NAV3: variants seen among roughly 807,000 people sequenced by gnomAD.
NAV3 encodes the protein neuron navigator 3.
Under a neutral mutation model 244.7 loss-of-function variants are expected in NAV3, and 87 were observed. The observed-to-expected ratio is 0.36, with a 90% CI of 0.30 to 0.42. The LOEUF is 0.42. NAV3 is among the 20% of genes least tolerant of loss of function. The pLI is 1.00. For missense variants in NAV3, 2,663 were observed against 2,893.3 expected (o/e 0.92, Z 1.83); for synonymous variants, 1,126 against 1,042.2 (o/e 1.08, Z -1.55).
intron 12 of NAV3, among the ~76,000 whole-genome samples, chr12:78,081,854 A>C (rs555251937): frequency 6.6e-6 from 1 of 152,330 alleles, no homozygotes; most frequent in South Asian, 2.1e-4. Flanking sequence ...ATAAACTTTC[A>C]ATATGAATGC....
rs996603657 is a variant in NAV3 at position 77,775,316 on chromosome 12, T to C, written c.73-165003T>C. Reference sequence around the variant, plus strand: ...CTGAGGCACGAAAATTGCTTGAACCTGGAGGCGGAGGTTTGCAGTGAGCCG... The same window carrying C: ...CTGAGGCACGAAAATTGCTTGAACCCGGAGGCGGAGGTTTGCAGTGAGCCG... On this transcript the variant is annotated intron_variant, in intron 2 of 8. Coordinates refer to the NAV3 transcript ENST00000550042. 7.3e-5 allele frequency among the ~76,000 whole-genome samples: 11 copies of C among 151,210 alleles called. No homozygotes were observed. The South Asian group carries it at 1.7e-3, about 23-fold the overall frequency.
At chr12:77,672,045 A>G (rs1337893415) in intron 2 of NAV3, among the ~76,000 whole-genome samples, 1 of 152,162 alleles carries the variant, frequency 6.6e-6, no homozygotes, top group Non-Finnish European at 1.5e-5. Flanking sequence ...CAAAGAACTC[A>G]AACAAATCAG....
At chr12:77,675,169 A>C (rs1228980635) in intron 2 of NAV3, among the ~76,000 whole-genome samples, 1 of 152,236 alleles carries the variant, frequency 6.6e-6, no homozygotes, top group East Asian at 1.9e-4. Flanking sequence ...AGCATTTTAC[A>C]TTGTTTGTTA....
intron 2 of NAV3, among the ~76,000 whole-genome samples, chr12:77,814,565 G>A (rs1234357795): frequency 2.0e-5 from 3 of 152,192 alleles, no homozygotes; most frequent in Admixed American, 6.5e-5. Flanking sequence ...AGCAGAGGCA[G>A]TTAAAGAAGG....
intron 2 of NAV3, among the ~76,000 whole-genome samples, chr12:77,762,142 G>A (rs890930524): frequency 1.3e-5 from 2 of 152,126 alleles, no homozygotes; most frequent in African/African-American, 2.4e-5. Context: ...CATGGATGAA[G>A]CTGGAAACCA....
At chr12:77,839,392 C>A (rs927557077) in intron 1 of NAV3, among the ~76,000 whole-genome samples, 6 of 152,214 alleles carry the variant, frequency 3.9e-5, no homozygotes, top group Admixed American at 1.3e-4. Flanking sequence ...TTCATGGTCA[C>A]TGTCAAGCTT....
chr12:77,823,869 T>C (rs1290297310), intron 2 of NAV3, among the ~76,000 whole-genome samples: 1 of 152,180 alleles, frequency 6.6e-6, no homozygotes, highest in Non-Finnish European at 1.5e-5. Flanking sequence ...ATGCTCCATA[T>C]GTTCAAGAAG....
intron 9 of NAV3, among the ~76,000 whole-genome samples, chr12:78,047,912 A>G (rs774856544): frequency 4.6e-5 from 7 of 151,842 alleles, no homozygotes; most frequent in Non-Finnish European, 7.4e-5. Flanking sequence ...GTTCCTTTTC[A>G]TTCTTTTTTC....
At chr12:77,941,210 A>AT (rs1406788650) in intron 3 of NAV3, 77 bp downstream of exon 3, 71 of 928,884 alleles carry the variant, frequency 7.6e-5, no homozygotes, top group East Asian at 4.0e-4. Flanking sequence ...AATGGATATT[A>AT]TTTTTTTTCT....
chr12:77,656,938 C>A (rs1352639927), intron 2 of NAV3, among the ~76,000 whole-genome samples: 1 of 152,110 alleles, frequency 6.6e-6, no homozygotes, highest in Admixed American at 6.5e-5. Flanking sequence ...ATACCAGAAT[C>A]TCTGGGACAC....
In NAV3 at chr12:78,119,303, G is replaced by C. The variant is rs1955562335; in HGVS notation, c.3107G>C (p.Arg1036Thr). 6.2e-7 allele frequency: 1 copy of C among 1,614,158 alleles called. No individual in the cohort carries two copies. The highest frequency in any genetic ancestry group is 2.2e-5 in the East Asian group (1 of 44,874). ...CCCCTAAAAGGATCATCTCTACAAA[G>C]ATCTCCTTCAGATGCAGGAAAAAGC... ...KAPLKGSSLQ[R>T]SPSDAGKSSG... Residue 1036 changes from arginine (R) to threonine (T), a missense_variant, in exon 15 of 40, where the codon AGA (arginine) becomes ACA (threonine). Transcript: ENST00000397909.
At chr12:78,015,902 TTCTA>T (rs1164966702) in intron 8 of NAV3, among the ~76,000 whole-genome samples, 4 of 152,138 alleles carry the variant, frequency 2.6e-5, no homozygotes. Flanking sequence ...CCCATGATCT[TTCTA>T]TCTATTTAAA....
At chr12:77,649,980 G>A (rs551775140) in intron 2 of NAV3, among the ~76,000 whole-genome samples, 29 of 152,248 alleles carry the variant, frequency 1.9e-4, no homozygotes, top group African/African-American at 7.0e-4. Context: ...GAGATATGTT[G>A]TCTCATTTCA....
rs61936213 is a variant in NAV3 at position 78,097,288 on chromosome 12, T to C, written c.2637-19484T>C. On this transcript the variant is annotated intron_variant, in intron 12 of 39. Coordinates refer to ENST00000397909, the MANE Select transcript of NAV3 (RefSeq NM_001024383.2). Reference sequence around the variant, plus strand: ...ATTCAAGTGTCTTTCTTGCATTTTGTCTTCTCTTCTATATCCATGCTTGCA... The same window carrying C: ...ATTCAAGTGTCTTTCTTGCATTTTGCCTTCTCTTCTATATCCATGCTTGCA... 4.1e-3 allele frequency among the ~76,000 whole-genome samples: 621 copies of C among 152,324 alleles called. 5 individuals are homozygous for C. Among genetic ancestry groups the C allele is most frequent in the Admixed American group, 7.4e-3 (113 of 15,302 alleles).
intron 1 of NAV3, 101 bp downstream of exon 1, chr12:77,831,805 T>G: frequency 7.6e-7 from 1 of 1,322,468 alleles, no homozygotes; most frequent in Non-Finnish European, 1.0e-6. Flanking sequence ...AGTAGAGGAA[T>G]ACCAGTGTAA....
intron 14 of NAV3, among the ~76,000 whole-genome samples, chr12:78,119,000 A>G (rs1955545840): frequency 6.6e-6 from 1 of 152,240 alleles, no homozygotes; most frequent in Non-Finnish European, 1.5e-5. Flanking sequence ...ACATTAACAA[A>G]TAGCAAAACA....
At chr12:78,025,394 G>A (rs747601537) in intron 9 of NAV3, among the ~76,000 whole-genome samples, 9 of 151,744 alleles carry the variant, frequency 5.9e-5, no homozygotes, top group East Asian at 3.9e-4. Flanking sequence ...TCAGGAGTTC[G>A]AAACCAGCCT....
intron 23 of NAV3, among the ~76,000 whole-genome samples, chr12:78,162,955 T>C (rs956380669): frequency 2.1e-5 from 3 of 140,784 alleles, no homozygotes; most frequent in African/African-American, 7.7e-5. Context: ...AAATATGTAA[T>C]TTATATATAT....
chr12:77,926,638 A>AGGTTCTC (rs1246301704), intron 1 of NAV3, among the ~76,000 whole-genome samples: 1 of 152,238 alleles, frequency 6.6e-6, no homozygotes, highest in Non-Finnish European at 1.5e-5. Context: ...TCCACGCCAG[A>AGGTTCTC]GGTTCTCAAA....
Sources: gnomAD v4.1 joint callset for allele counts (sites outside exome capture counted in the v4.1 genomes callset) on GRCh38, gnomAD v4.1.1 for gene constraint, MANE v1.5 for transcripts, NCBI Gene and HGNC (gene_info 2026-07-23, HGNC 2026-07-21) for gene names.